Variants in TRAPPC9 observed in about 807,000 individuals in gnomAD.
The protein encoded by TRAPPC9 is trafficking protein particle complex subunit 9, also known as IKK2 binding protein.
TRAPPC9 carries 83 observed loss-of-function variants against 124.0 expected under a neutral mutation model. The ratio of observed to expected loss-of-function variants is 0.67; its 90% confidence interval spans 0.56 to 0.80. The LOEUF (loss-of-function observed/expected upper bound fraction) is 0.80, where lower values mean the gene tolerates loss of function less well. Among genes scored for constraint, TRAPPC9 ranks in the 30% least tolerant of loss-of-function variants. The probability of loss-of-function intolerance (pLI) is 0.00; values close to 1 mark genes in which losing one functional copy is unlikely to be tolerated. For synonymous variants in TRAPPC9, 638 were observed against 617.5 expected (o/e 1.03, Z -0.49); for missense variants, 1,302 against 1,508.3 (o/e 0.86, Z 2.27).
chr8:140,154,279 T>A (rs1193164011), intron 17 of TRAPPC9, among the ~76,000 whole-genome samples: 1 of 152,188 alleles, frequency 6.6e-6, no homozygotes, highest in African/African-American at 2.4e-5. Flanking sequence ...TCTTCCCAAG[T>A]GTCTCTGAAA....
intron 21 of TRAPPC9, among the ~76,000 whole-genome samples, chr8:139,753,595 C>A (rs1329653165): frequency 6.6e-6 from 1 of 152,232 alleles, no homozygotes; most frequent in Non-Finnish European, 1.5e-5. Context: ...GTCATTGCTG[C>A]AAGCCTTCTG....
chr8:140,173,431 G>A (rs577460681), intron 17 of TRAPPC9, among the ~76,000 whole-genome samples: 103 of 152,070 alleles, frequency 6.8e-4, no homozygotes, highest in Admixed American at 1.1e-3. Flanking sequence ...GCGGGTGCCT[G>A]TAGTTCCAGC....
intron 17 of TRAPPC9, among the ~76,000 whole-genome samples, chr8:140,090,096 A>G (rs1844466532): frequency 6.6e-6 from 1 of 151,640 alleles, no homozygotes; most frequent in African/African-American, 2.4e-5. Context: ...ACAACAACAC[A>G]ACAACAACAA....
chr8:140,214,151 C>T (rs921521392), intron 17 of TRAPPC9, among the ~76,000 whole-genome samples: 6 of 152,222 alleles, frequency 3.9e-5, no homozygotes, highest in Non-Finnish European at 8.8e-5. Flanking sequence ...AGCCCCAGTC[C>T]GTGATGTGGG....
intron 17 of TRAPPC9, among the ~76,000 whole-genome samples, chr8:140,171,548 G>A (rs2061963362): frequency 6.6e-6 from 1 of 152,126 alleles, no homozygotes; most frequent in African/African-American, 2.4e-5. Context: ...GATCTTACAA[G>A]ACTTATTTAC....
intron 5 of TRAPPC9, among the ~76,000 whole-genome samples, chr8:140,412,976 T>A (rs543702910): frequency 2.0e-5 from 3 of 152,030 alleles, no homozygotes; most frequent in African/African-American, 7.2e-5. Context: ...GGAAAGGACA[T>A]AGGCCATGAG....
chr8:139,967,823 G>A (rs777197056), intron 19 of TRAPPC9, among the ~76,000 whole-genome samples: 19 of 152,154 alleles, frequency 1.2e-4, no homozygotes, highest in Non-Finnish European at 2.4e-4. Flanking sequence ...TAAAAAGCAC[G>A]CTTTGTTTTT....
chr8:140,420,277 A>G (rs1442854713), intron 5 of TRAPPC9, among the ~76,000 whole-genome samples: 1 of 152,172 alleles, frequency 6.6e-6, no homozygotes, highest in African/African-American at 2.4e-5. Flanking sequence ...TAAAATGGCA[A>G]TATTCTCCAA....
intron 19 of TRAPPC9, among the ~76,000 whole-genome samples, chr8:139,935,123 C>T (rs1833429498): frequency 6.6e-6 from 1 of 152,176 alleles, no homozygotes; most frequent in South Asian, 2.1e-4. Context: ...CCAGACAAGA[C>T]ATCACCGTGC....
intron 21 of TRAPPC9, among the ~76,000 whole-genome samples, chr8:139,793,188 A>G (rs1271949344): frequency 6.6e-6 from 1 of 152,166 alleles, no homozygotes. Context: ...AGTCGCTGTC[A>G]GGACTAAACC....
In TRAPPC9 at chr8:139,789,298, G is replaced by C. The variant is rs1586844510; in HGVS notation, c.3056-57096C>G. Among the ~76,000 whole-genome samples the C allele has an allele frequency of 3.9e-5, 6 of 152,226 alleles. No homozygotes were observed. The South Asian group carries it at 1.2e-3, about 31-fold the overall frequency. On this transcript the variant is annotated intron_variant, in intron 21 of 22. Transcript: ENST00000438773. ...GAGGGGAGCTGCGTGGTTGGGTTGT[G>C]AGATGGAAACTGAGGATTCCATGGT...
chr8:139,908,446 AG>A (rs1417791908), intron 20 of TRAPPC9, among the ~76,000 whole-genome samples: 2 of 152,118 alleles, frequency 1.3e-5, no homozygotes, highest in Non-Finnish European at 2.9e-5. Flanking sequence ...AAAGACAGAA[AG>A]ATTATCAGAA....
intron 17 of TRAPPC9, among the ~76,000 whole-genome samples, chr8:140,131,813 A>C (rs1176817554): frequency 6.6e-6 from 1 of 152,196 alleles, no homozygotes; most frequent in Non-Finnish European, 1.5e-5. Context: ...ACCGACTTCA[A>C]GGTTTAGCAA....
chr8:140,120,179 C>T (rs553107931), intron 17 of TRAPPC9, among the ~76,000 whole-genome samples: 21 of 152,328 alleles, frequency 1.4e-4, no homozygotes, highest in African/African-American at 4.3e-4. Context: ...AGTTAGATAA[C>T]GTATACCATG....
rs527658365 is a variant in TRAPPC9 at position 139,911,958 on chromosome 8, G to A, written c.2811-1658C>T. Among the ~76,000 whole-genome samples, 9 of 152,252 alleles carry A rather than the reference G, an allele frequency of 5.9e-5. No individual in the cohort carries two copies. In the East Asian group the frequency reaches 1.7e-3, roughly 29 times the overall value. The stretch of plus-strand genomic sequence containing the variant: ...TAGTATTCAGCCTGAGGCATGACAT[G>A]CGGGGCTGAGCCACACAAGAGCTAG... On this transcript the variant is annotated intron_variant, in intron 19 of 22. Transcript: ENST00000438773.
At chr8:139,920,775 A>T in intron 19 of TRAPPC9, among the ~76,000 whole-genome samples, 1 of 152,258 alleles carries the variant, frequency 6.6e-6, no homozygotes, top group East Asian at 1.9e-4. Flanking sequence ...GTTCAGGACC[A>T]GCAGCACCTG....
At chr8:139,988,105 CTTTT>C (rs773534032) in intron 19 of TRAPPC9, among the ~76,000 whole-genome samples, 1 of 114,476 alleles carries the variant, frequency 8.7e-6, no homozygotes. Context: ...GATACCACCT[CTTTT>C]TTTTTTTTTT....
chr8:140,286,466 CA>C (rs1228008536), intron 13 of TRAPPC9, among the ~76,000 whole-genome samples: 2 of 152,176 alleles, frequency 1.3e-5, no homozygotes, highest in Admixed American at 6.5e-5. Context: ...ACACCAGTCC[CA>C]GTGCTTTTGT....
intron 9 of TRAPPC9, among the ~76,000 whole-genome samples, chr8:140,349,170 AAGG>A (rs1365188994): frequency 8.9e-6 from 1 of 111,830 alleles, no homozygotes; most frequent in Non-Finnish European, 1.8e-5. Context: ...GGGGCGCACG[AAGG>A]AAGGACACAC....
Sources: allele counts gnomAD v4.1 joint callset (sites outside exome capture counted in the v4.1 genomes callset), GRCh38; gene constraint gnomAD v4.1.1; transcripts MANE v1.5; gene names NCBI Gene and HGNC (gene_info 2026-07-23, HGNC 2026-07-21).